The following KMT2E variants were observed in gnomAD, a reference collection of about 807,000 sequenced individuals.
The protein encoded by KMT2E is histone reader KMT2E.
In KMT2E, 30 loss-of-function variants were observed where a neutral mutation model predicts 184.6. The ratio of observed to expected loss-of-function variants is 0.16; its 90% CI spans 0.12 to 0.22. The LOEUF (loss-of-function observed/expected upper bound fraction) is 0.22, where lower values mean the gene tolerates loss of function less well. KMT2E is among the 10% of genes least tolerant of loss of function. KMT2E has a pLI of 1.00. For missense variants in KMT2E, 2,023 were observed against 2,237.4 expected (o/e 0.90, Z 1.93); for synonymous variants, 815 against 776.5 (o/e 1.05, Z -0.82).
intron 3 of KMT2E, among the ~76,000 whole-genome samples, chr7:105,046,536 T>A (rs1330800122): frequency 6.6e-6 from 1 of 152,222 alleles, no homozygotes; most frequent in Admixed American, 6.5e-5. Context: ...TTTTTGTACA[T>A]GTCTTTAATG....
At chr7:105,077,725 G>C in intron 11 of KMT2E, 1 of 262,980 alleles carries the variant, frequency 3.8e-6, no homozygotes, top group Non-Finnish European at 7.3e-6. Flanking sequence ...GTTGGATATA[G>C]AAGGATATCA....
Position 105,081,763 on chromosome 7 carries a change from A to T in KMT2E, c.1324A>T (p.Ile442Phe). The T allele has an allele frequency of 6.6e-7, 1 of 1,516,938 alleles. No homozygotes were observed. The highest frequency in any genetic ancestry group is 1.2e-5 in the South Asian group (1 of 85,104). 94.0% of individuals were successfully genotyped at this position (1,516,938 alleles called of 1,614,324 possible). ...ACACAGTATTCCAAAGGGAACTGAA[A>T]TTACTATTGCCTTTGATTTTGACTA... ...SIHSIPKGTE[I>F]TIAFDFDYGN... The change falls in exon 13 of 27, where the codon ATT (isoleucine) becomes TTT (phenylalanine). Residue 442 changes from isoleucine to phenylalanine, a missense_variant. By Grantham distance (21) the Ile-to-Phe change is conservative. This residue lies in a region of KMT2E where 68 missense variants were observed against 133.1 expected (regional missense o/e 0.51). Coordinates refer to ENST00000311117, the MANE Select transcript of KMT2E (RefSeq NM_182931.3).
chr7:105,029,265 G>C (rs961736061), intron 1 of KMT2E, among the ~76,000 whole-genome samples: 1 of 152,094 alleles, frequency 6.6e-6, no homozygotes, highest in Non-Finnish European at 1.5e-5. Context: ...AGGTACCCTT[G>C]ATTATATTGG....
intron 14 of KMT2E, 64 bp downstream of exon 14, chr7:105,090,337 C>T: frequency 6.6e-7 from 1 of 1,513,524 alleles, no homozygotes; most frequent in Non-Finnish European, 8.9e-7. Flanking sequence ...ATATTTTATC[C>T]TCTTCTTTGT....
intron 1 of KMT2E, among the ~76,000 whole-genome samples, chr7:105,028,506 T>C (rs934131616): frequency 1.3e-5 from 2 of 151,468 alleles, no homozygotes; most frequent in African/African-American, 4.9e-5. Flanking sequence ...TCTTTCTTGC[T>C]TTTTTTTGAG....
At chr7:105,101,810 G>A in intron 16 of KMT2E, 76 bp from the exon 17 acceptor site, 1 of 1,215,264 alleles carries the variant, frequency 8.2e-7, no homozygotes, top group Non-Finnish European at 1.1e-6. Flanking sequence ...GGCTTCTGAA[G>A]TAGAATAATG....
intron 12 of KMT2E, among the ~76,000 whole-genome samples, chr7:105,079,381 C>T (rs1425936321): frequency 6.6e-6 from 1 of 151,380 alleles, no homozygotes; most frequent in Non-Finnish European, 1.5e-5. Context: ...GGTGATTTGC[C>T]CATCTCAGCC....
intron 6 of KMT2E, among the ~76,000 whole-genome samples, chr7:105,071,567 T>G (rs1797293103): frequency 7.7e-6 from 1 of 129,598 alleles, no homozygotes; most frequent in Non-Finnish European, 1.6e-5. Context: ...TGTATGTATG[T>G]ATGTATGTGT....
intron 6 of KMT2E, among the ~76,000 whole-genome samples, chr7:105,070,092 T>C (rs1018979083): frequency 4.6e-5 from 7 of 152,174 alleles, no homozygotes; most frequent in African/African-American, 1.7e-4. Context: ...TTGAAGACCA[T>C]TTGGGTTGTT....
intron 23 of KMT2E, 120 bp downstream of exon 23, chr7:105,109,348 TTC>T: frequency 1.0e-6 from 1 of 986,048 alleles, no homozygotes; most frequent in South Asian, 1.7e-5. Flanking sequence ...TTTTAAAAGA[TTC>T]TCTCTGCTAA....
At chr7:105,087,293 T>TATATA (rs1314157554) in intron 13 of KMT2E, among the ~76,000 whole-genome samples, 29 of 147,388 alleles carry the variant, frequency 2.0e-4, no homozygotes, top group African/African-American at 6.9e-4. Flanking sequence ...TGATATAATA[T>TATATA]ATATAATATA....
At chr7:105,067,534 C>T (rs79958217) in intron 6 of KMT2E, among the ~76,000 whole-genome samples, 1,907 of 152,288 alleles carry the variant, frequency 0.013, 14 homozygotes, top group Non-Finnish European at 0.02. Context: ...CCCATCTATA[C>T]TGCCATGTGT....
In KMT2E at chr7:105,113,597, G is replaced by C; in HGVS notation, c.*264G>C. 1 of 261,444 alleles carries C rather than the reference G, an allele frequency of 3.8e-6. No individual in the cohort carries two copies. The highest frequency in any genetic ancestry group is 1.0e-3 in the Middle Eastern group (1 of 992). The allele number at this position is 261,444 out of a possible 1,614,324, so 16.2% of individuals were successfully genotyped here. Reference sequence around the variant, plus strand: ...ATCTGATGCTGATTTGATGCTGTATGATCTTTTTTTTTTTTTTAGTTAAAT... The same window carrying C: ...ATCTGATGCTGATTTGATGCTGTATCATCTTTTTTTTTTTTTTAGTTAAAT... On this transcript the variant is annotated 3_prime_UTR_variant, in exon 27 of 27. Transcript: ENST00000311117.
At chr7:105,091,603 CCA>C (rs2129568942) in intron 15 of KMT2E, 1 of 509,502 alleles carries the variant, frequency 2.0e-6, no homozygotes, top group African/African-American at 1.9e-5. Context: ...AATTTTAATG[CCA>C]CAATTACTGT....
chr7:105,042,562 A>G (rs531377340), intron 3 of KMT2E, among the ~76,000 whole-genome samples: 1 of 152,188 alleles, frequency 6.6e-6, no homozygotes, highest in Non-Finnish European at 1.5e-5. Context: ...TGGCCACATA[A>G]TTAATAAAAG....
intron 1 of KMT2E, among the ~76,000 whole-genome samples, chr7:105,023,644 A>G (rs947783529): frequency 6.6e-6 from 1 of 151,898 alleles, no homozygotes; most frequent in Non-Finnish European, 1.5e-5. Flanking sequence ...ATGGGGTTTT[A>G]CTATGTTAGG....
chr7:105,102,251 ATT>A (rs1189311505), intron 17 of KMT2E, 57 bp downstream of exon 17: 1 of 1,443,950 alleles, frequency 6.9e-7, no homozygotes, highest in African/African-American at 1.5e-5. Context: ...TATTAATTAT[ATT>A]GTTGTTTTAA....
chr7:105,033,753 C>T (rs954013509), intron 1 of KMT2E, among the ~76,000 whole-genome samples: 1 of 152,002 alleles, frequency 6.6e-6, no homozygotes, highest in African/African-American at 2.4e-5. Context: ...CCTGCCTCGG[C>T]CTCCCAAAGT....
At chr7:105,038,770 C>T (rs938344941) in intron 2 of KMT2E, among the ~76,000 whole-genome samples, 1 of 152,120 alleles carries the variant, frequency 6.6e-6, no homozygotes, top group Admixed American at 6.5e-5. Context: ...ACGAATTCAT[C>T]ATTTTATTAA....
Sources: allele counts gnomAD v4.1 joint callset (sites outside exome capture counted in the v4.1 genomes callset), GRCh38; gene constraint gnomAD v4.1.1; regional missense constraint gnomAD v4.1.1; transcripts MANE v1.5; gene names NCBI Gene and HGNC (gene_info 2026-07-23, HGNC 2026-07-21).